Variants in TMOD1 observed in about 807,000 individuals in gnomAD.
The protein encoded by TMOD1 is tropomodulin-1.
TMOD1 carries 17 observed loss-of-function variants against 40.6 expected under a neutral mutation model. The ratio of observed to expected loss-of-function variants is 0.42; its 90% CI spans 0.29 to 0.63. The LOEUF is 0.63. Ranked by LOEUF, TMOD1 falls within the 20% of genes least tolerant of loss-of-function variation. The probability of loss-of-function intolerance (pLI) is 0.22; values close to 1 mark genes in which losing one functional copy is unlikely to be tolerated. For missense variants in TMOD1, 391 were observed against 447.6 expected (o/e 0.87, Z 1.14); for synonymous variants, 181 against 175.0 (o/e 1.03, Z -0.27).
At chr9:97,524,431 T>C in intron 2 of TMOD1, 123 bp downstream of exon 2, 1 of 1,269,572 alleles carries the variant, frequency 7.9e-7, no homozygotes, top group South Asian at 1.5e-5. Context: ...GGTATAACTT[T>C]GCCTTTGCAG....
chr9:97,539,971 C>CAAAAA (rs34844299), intron 2 of TMOD1, among the ~76,000 whole-genome samples: 20 of 69,972 alleles, frequency 2.9e-4, no homozygotes, highest in Admixed American at 5.3e-4. Flanking sequence ...GACTCTGTCT[C>CAAAAA]AAAAAAAAAA....
In TMOD1 at chr9:97,599,811, C is replaced by T. The variant is rs1826212690; in HGVS notation, c.*113C>T. On this transcript the variant is annotated 3_prime_UTR_variant, in exon 10 of 10. Transcript: ENST00000259365. ...GGCAGCATGAAACCCTTTTGTGGTT[C>T]AGTTCTTTATGCACTAAGGTTTTAG... 1.9e-6 allele frequency: 3 copies of T among 1,574,166 alleles called. No homozygotes were observed. The highest frequency in any genetic ancestry group is 2.3e-5 in the East Asian group (1 of 43,794).
upstream of TMOD1, among the ~76,000 whole-genome samples, chr9:97,501,469 A>G (rs1413541968): frequency 1.3e-5 from 2 of 151,650 alleles, no homozygotes; most frequent in African/African-American, 4.8e-5. Flanking sequence ...GCTCGGCTGC[A>G]GCCCGACTCC....
At chr9:97,566,049 C>A in intron 7 of TMOD1, 94 bp downstream of exon 7, 2 of 1,082,052 alleles carry the variant, frequency 1.8e-6, no homozygotes, top group Non-Finnish European at 2.8e-6. Context: ...ATCCCACTAA[C>A]AAAGAGCTCT....
intron 7 of TMOD1, 126 bp from the exon 8 acceptor site, chr9:97,568,768 G>T: frequency 8.9e-7 from 1 of 1,119,948 alleles, no homozygotes. Context: ...TCAGAGTTGT[G>T]CTTGGTGAAG....
intron 9 of TMOD1, among the ~76,000 whole-genome samples, chr9:97,598,327 C>CAAAAAAAA (rs71369518): frequency 1.4e-5 from 1 of 71,166 alleles, no homozygotes; most frequent in East Asian, 4.1e-4. Flanking sequence ...AACTCCATCT[C>CAAAAAAAA]AAAAAAAAAA....
At chr9:97,542,573 C>T (rs1240584092) in intron 2 of TMOD1, among the ~76,000 whole-genome samples, 1 of 152,106 alleles carries the variant, frequency 6.6e-6, no homozygotes, top group African/African-American at 2.4e-5. Flanking sequence ...AATTTGGTGG[C>T]TGGGCATGGA....
In TMOD1 at chr9:97,541,497, ATTTTTAT is replaced by A. The variant is rs539361335; in HGVS notation, c.121-4661_121-4655del. On this transcript the variant is annotated intron_variant, in intron 2 of 9. Transcript: ENST00000259365. ...GGCCACTGTGCCCAGCCACTTGACCATTTTTATTTTTTATTTTTTATTTTTTATTTTT... is the reference window on the plus strand; with the variant it reads ...GGCCACTGTGCCCAGCCACTTGACCATTTTTATTTTTTATTTTTTATTTTT... Among the ~76,000 whole-genome samples the A allele has an allele frequency of 1.4e-3, 214 of 150,824 alleles. 1 individual carries two copies. Among genetic ancestry groups the A allele is most frequent in the African/African-American group, 3.7e-3 (152 of 41,148 alleles).
chr9:97,555,943 G>A (rs1830530314), intron 4 of TMOD1, among the ~76,000 whole-genome samples: 1 of 152,168 alleles, frequency 6.6e-6, no homozygotes, highest in Non-Finnish European at 1.5e-5. Context: ...AGCACAGAGG[G>A]TAGGCAACAG....
intron 1 of TMOD1, among the ~76,000 whole-genome samples, chr9:97,519,230 C>T (rs1829877947): frequency 6.6e-6 from 1 of 152,194 alleles, no homozygotes; most frequent in Non-Finnish European, 1.5e-5. Context: ...ATTTCTGAGG[C>T]TTTCCTGATG....
At chr9:97,539,335 C>T (rs1423911509) in intron 2 of TMOD1, among the ~76,000 whole-genome samples, 1 of 152,174 alleles carries the variant, frequency 6.6e-6, no homozygotes, top group Non-Finnish European at 1.5e-5. Flanking sequence ...TTGAGTAGCC[C>T]GGGTGTGAGA....
chr9:97,547,215 C>A (rs138302341), intron 3 of TMOD1, among the ~76,000 whole-genome samples: 3 of 151,832 alleles, frequency 2.0e-5, no homozygotes, highest in Non-Finnish European at 4.4e-5. Flanking sequence ...CCTCTGCCCC[C>A]CTCCAATATC....
chr9:97,587,301 A>C (rs1201442615), intron 8 of TMOD1, among the ~76,000 whole-genome samples: 2 of 152,058 alleles, frequency 1.3e-5, no homozygotes, highest in African/African-American at 2.4e-5. Flanking sequence ...AAAAAACTCA[A>C]CTCTTGTGCA....
At chr9:97,590,981 A>G (rs1825988286) in intron 8 of TMOD1, among the ~76,000 whole-genome samples, 2 of 152,154 alleles carry the variant, frequency 1.3e-5, no homozygotes, top group African/African-American at 2.4e-5. Context: ...TAGATGATTG[A>G]ATGTCCTCCT....
At chr9:97,503,445 A>T (rs1458779580) in intron 1 of TMOD1, among the ~76,000 whole-genome samples, 1 of 152,232 alleles carries the variant, frequency 6.6e-6, no homozygotes, top group African/African-American at 2.4e-5. Flanking sequence ...AAAAAGAATT[A>T]ACGGGAAATG....
At chr9:97,559,804 T>A (rs868583013) in intron 4 of TMOD1, among the ~76,000 whole-genome samples, 32 of 30,522 alleles carry the variant, frequency 1.0e-3, no homozygotes, top group East Asian at 3.3e-3. Flanking sequence ...AATATATATA[T>A]ATATATATAT....
At chr9:97,582,915 T>A (rs1825787825) in intron 8 of TMOD1, among the ~76,000 whole-genome samples, 1 of 150,948 alleles carries the variant, frequency 6.6e-6, no homozygotes, top group African/African-American at 2.5e-5. Flanking sequence ...GACAATGGGG[T>A]TTTCTAGAAA....
At position 97,546,358 on chromosome 9, in the gene TMOD1, C is replaced by A. The variant is rs1197785473; in HGVS notation, c.277+17C>A. On this transcript the variant is annotated intron_variant, in intron 3 of 9. Transcript: ENST00000259365. Reference sequence around the variant, plus strand: ...AAAAACGAGGTACTGAACAATGTTACTGTTATAATATGCCACTCCCCATGC... The same window carrying A: ...AAAAACGAGGTACTGAACAATGTTAATGTTATAATATGCCACTCCCCATGC... The A allele has an allele frequency of 1.9e-6, 3 of 1,610,288 alleles. No homozygotes were observed. The highest frequency in any genetic ancestry group is 1.7e-6 in the Non-Finnish European group (2 of 1,178,488).
In TMOD1 at chr9:97,589,341, C is replaced by T. The variant is rs1402048129; in HGVS notation, c.871-1950C>T. ...CTGTTGCCAGGCTGGAGTGCAGTGG[C>T]GCGATCTCTGCTCACTGCAACCTCT... is the stretch of plus-strand genomic sequence containing the variant. On this transcript the variant is annotated intron_variant, in intron 8 of 9. Transcript: ENST00000259365. Among the ~76,000 whole-genome samples the T allele has an allele frequency of 3.6e-5, 5 of 140,028 alleles. No individual in the cohort carries two copies. The East Asian group carries it at 6.4e-4, about 18-fold the overall frequency. 91.9% of individuals were successfully genotyped at this position (140,028 alleles called of 152,430 possible). A position where few individuals can be genotyped will look rare whatever the true frequency, so the allele number is the denominator to read the frequency against.
Sources: gnomAD v4.1 joint callset for allele counts (sites outside exome capture counted in the v4.1 genomes callset) on GRCh38, gnomAD v4.1.1 for gene constraint, MANE v1.5 for transcripts, NCBI Gene and HGNC (gene_info 2026-07-23, HGNC 2026-07-21) for gene names.